The following PCDHGB1 variants were observed in gnomAD, a reference collection of about 807,000 sequenced individuals.
The protein encoded by PCDHGB1 is protocadherin gamma subfamily B, 1.
In PCDHGB1, 34 loss-of-function variants were observed where a neutral mutation model predicts 56.6. That is an observed-to-expected ratio of 0.60 (90% confidence interval 0.46 to 0.80). The LOEUF (loss-of-function observed/expected upper bound fraction) is 0.80, where lower values mean the gene tolerates loss of function less well. PCDHGB1 is among the 30% of genes least tolerant of loss of function. The probability of loss-of-function intolerance (pLI) is 0.00; values close to 1 mark genes in which losing one functional copy is unlikely to be tolerated. For missense variants in PCDHGB1, 1,278 were observed against 1,204.6 expected (o/e 1.06, Z -0.90); for synonymous variants, 561 against 505.9 (o/e 1.11, Z -1.46).
chr5:141,364,438 G>C (rs766900400), intron 1 of PCDHGB1: 111 of 1,613,704 alleles, frequency 6.9e-5, no homozygotes, highest in Non-Finnish European at 8.6e-5. Context: ...ACTCGATGCC[G>C]GAGGAGCTGG....
rs1036281905 is a variant in PCDHGB1 at position 141,493,555 on chromosome 5, T to A, written c.2410-1252T>A. Among the ~76,000 whole-genome samples, 3 of 152,012 alleles carry A rather than the reference T, an allele frequency of 2.0e-5. No individual in the cohort carries two copies. ...GCCAGTTATCCTTTTGGAGATTGAG[T>A]TCCCCCAGCTCCGTTTCCTCCTATC... On this transcript the variant is annotated intron_variant, in intron 1 of 3. Transcript: ENST00000523390. The surrounding 1 kb of genome is among the most constrained non-coding windows in gnomAD (Gnocchi z 4.3).
chr5:141,480,837 G>T (rs1435750544), intron 1 of PCDHGB1, among the ~76,000 whole-genome samples: 2 of 152,168 alleles, frequency 1.3e-5, no homozygotes, highest in African/African-American at 4.8e-5. Flanking sequence ...ATAAGATCAG[G>T]AGTTTGAGAC....
intron 1 of PCDHGB1, among the ~76,000 whole-genome samples, chr5:141,483,725 C>T (rs903001715): frequency 1.3e-5 from 2 of 152,008 alleles, no homozygotes; most frequent in Non-Finnish European, 1.5e-5. Context: ...TGGTTCCCAC[C>T]ATAGTCAAAA....
At chr5:141,396,033 C>G (rs191318626) in intron 1 of PCDHGB1, 2 of 152,280 alleles carry the variant, frequency 1.3e-5, no homozygotes, top group South Asian at 2.1e-4. Flanking sequence ...TATGTAAGAA[C>G]ATATTTCAAT....
chr5:141,372,334 G>C (rs757971401), intron 1 of PCDHGB1: 1 of 1,613,648 alleles, frequency 6.2e-7, no homozygotes, highest in African/African-American at 1.3e-5. Context: ...GTCACTGTGC[G>C]TGATGGAGGA....
intron 1 of PCDHGB1, chr5:141,357,660 A>G (rs1484445569): frequency 1.2e-6 from 2 of 1,605,080 alleles, no homozygotes; most frequent in South Asian, 2.2e-5. Flanking sequence ...ACACTGAAAT[A>G]TAGACAAAGA....
At chr5:141,360,283 C>T (rs749244644) in intron 1 of PCDHGB1, 1 of 1,613,984 alleles carries the variant, frequency 6.2e-7, no homozygotes, top group Non-Finnish European at 8.5e-7. Flanking sequence ...CGTAGGAAAC[C>T]TCGCCAAGGA....
chr5:141,362,452 G>T (rs751763325), intron 1 of PCDHGB1: 1 of 1,614,012 alleles, frequency 6.2e-7, no homozygotes, highest in Non-Finnish European at 8.5e-7. Flanking sequence ...CATAACCCCG[G>T]AATTGGTTCC....
rs774151451 is a variant in PCDHGB1 at position 141,374,148 on chromosome 5, C to A, written c.2409+21479C>A. On this transcript the variant is annotated intron_variant, in intron 1 of 3. Coordinates refer to ENST00000523390, the MANE Select transcript of PCDHGB1 (RefSeq NM_018922.3). The stretch of plus-strand genomic sequence containing the variant: ...GTCCTGCTCCTCACGCTCCTGGGGA[C>A]GCTGTGGGGGGCCGCGGCAGCGCAG... 1.2e-6 allele frequency: 2 copies of A among 1,611,000 alleles called. No individual in the cohort carries two copies. Among genetic ancestry groups the A allele is most frequent in the African/African-American group, 2.7e-5 (2 of 74,910 alleles).
At chr5:141,365,948 C>A (rs761134623) in intron 1 of PCDHGB1, 2 of 1,614,186 alleles carry the variant, frequency 1.2e-6, no homozygotes, top group Admixed American at 3.3e-5. Context: ...CAGTGGGAAC[C>A]CTCCACTTAG....
intron 1 of PCDHGB1, among the ~76,000 whole-genome samples, chr5:141,460,889 G>A (rs901987902): frequency 3.3e-5 from 5 of 150,280 alleles, no homozygotes; most frequent in East Asian, 3.9e-4. Flanking sequence ...ATGCCTTTTC[G>A]TGGCTGAGTA....
intron 1 of PCDHGB1, chr5:141,391,108 A>G (rs1253319004): frequency 6.6e-6 from 1 of 152,138 alleles, no homozygotes; most frequent in African/African-American, 2.4e-5. Flanking sequence ...CTAAACTAAT[A>G]TAGCTAGAGG....
chr5:141,419,010 G>A (rs2096312778), intron 1 of PCDHGB1: 2 of 1,613,866 alleles, frequency 1.2e-6, no homozygotes, highest in Non-Finnish European at 8.5e-7. Flanking sequence ...GAAGTCAGGT[G>A]TAGCTTAAGT....
chr5:141,490,938 C>A lies in PCDHGB1; in HGVS notation c.2410-3869C>A. 1.2e-6 allele frequency: 2 copies of A among 1,613,672 alleles called. No individual in the cohort carries two copies. Among genetic ancestry groups the A allele is most frequent in the Non-Finnish European group, 1.7e-6 (2 of 1,179,760 alleles). On this transcript the variant is annotated intron_variant, in intron 1 of 3. Coordinates refer to ENST00000523390, the MANE Select transcript of PCDHGB1 (RefSeq NM_018922.3). The surrounding 1 kb of genome is among the most constrained non-coding windows in gnomAD (Gnocchi z 5.4). ...ATGATAATGCCCCAGCTGTGCTGCA[C>A]CCACGGCCAGACTGGGAACACTCAG... is the stretch of plus-strand genomic sequence containing the variant.
chr5:141,414,052 T>C, intron 1 of PCDHGB1: 1 of 1,610,346 alleles, frequency 6.2e-7, no homozygotes, highest in Non-Finnish European at 8.5e-7. Flanking sequence ...TGACACGCAA[T>C]TGTTGAAGTT....
chr5:141,355,731 C>T, intron 1 of PCDHGB1: 1 of 1,614,004 alleles, frequency 6.2e-7, no homozygotes, highest in Non-Finnish European at 8.5e-7. Context: ...CAAACGGTTA[C>T]TTTTCCCTGG....
intron 1 of PCDHGB1, chr5:141,388,052 C>T (rs777475213): frequency 7.2e-7 from 1 of 1,394,236 alleles, no homozygotes; most frequent in Non-Finnish European, 9.8e-7. Flanking sequence ...ACCTGGGGTT[C>T]AGCGTCCAGG....
intron 1 of PCDHGB1, chr5:141,416,401 T>C (rs2096020867): frequency 6.6e-6 from 1 of 152,204 alleles, no homozygotes; most frequent in African/African-American, 2.4e-5. Context: ...TGCTTTTGTC[T>C]TTTTTGTTAA....
chr5:141,404,133 T>C, intron 1 of PCDHGB1: 1 of 1,613,108 alleles, frequency 6.2e-7, no homozygotes, highest in Non-Finnish European at 8.5e-7. Flanking sequence ...TCTTTTACAT[T>C]AGAAAATTCA....
Sources: allele counts gnomAD v4.1 joint callset (sites outside exome capture counted in the v4.1 genomes callset), GRCh38; gene constraint gnomAD v4.1.1; non-coding constraint Gnocchi (gnomAD v3.1); transcripts MANE v1.5; gene names NCBI Gene and HGNC (gene_info 2026-07-23, HGNC 2026-07-21).